The following EVC variants were observed in gnomAD, a reference collection of about 807,000 sequenced individuals.
EVC encodes EvC ciliary complex subunit 1, also known as evC complex member EVC.
A neutral mutation model predicts 118.9 loss-of-function variants in EVC; 116 were observed. The ratio of observed to expected loss-of-function variants is 0.98; its 90% CI spans 0.84 to 1.14. The LOEUF (loss-of-function observed/expected upper bound fraction) is 1.14, where lower values mean the gene tolerates loss of function less well. Among genes scored for constraint, EVC ranks in the 50% most tolerant of loss-of-function variants. EVC has a pLI of 0.00. For synonymous variants in EVC, 619 were observed against 534.7 expected (o/e 1.16, Z -2.18); for missense variants, 1,401 against 1,246.4 (o/e 1.12, Z -1.87).
chr4:5,762,524 TAA>T (rs1160788444), intron 11 of EVC, among the ~76,000 whole-genome samples: 10 of 140,648 alleles, frequency 7.1e-5, no homozygotes, highest in South Asian at 2.5e-4. Flanking sequence ...ACCAACAGTG[TAA>T]AAGTGTTCCT....
chr4:5,807,259 G>A (rs1716064606), intron 17 of EVC, among the ~76,000 whole-genome samples: 1 of 152,224 alleles, frequency 6.6e-6, no homozygotes, highest in African/African-American at 2.4e-5. Flanking sequence ...TGGAGGGAGG[G>A]AGGAATGGAG....
At position 5,808,225 on chromosome 4, in the gene EVC, C is replaced by A. The variant is rs1327449417; in HGVS notation, c.2586C>A (p.Phe862Leu). 2 of 1,586,250 alleles carry A rather than the reference C, an allele frequency of 1.3e-6. No homozygotes were observed. Among genetic ancestry groups the A allele is most frequent in the Non-Finnish European group, 1.7e-6 (2 of 1,164,716 alleles). Residue 862 changes from phenylalanine (F) to leucine (L), a missense_variant, in exon 18 of 21, where the codon TTC becomes TTA. Phe to Leu is a conservative substitution (Grantham distance 22, BLOSUM62 0). Transcript: ENST00000264956. ...HQRMLSQQKR[F>L]LAQFPVHQQM... The stretch of plus-strand genomic sequence containing the variant: ...GGATGCTGTCCCAGCAGAAGAGGTT[C>A]CTGGCCCAGTTCCCAGTGCACCAGC...
chr4:5,808,141 C>CCCTCCCTCCCTCTCTCCCTT (rs1716252981), intron 17 of EVC, 60 bp from the exon 18 acceptor site: 1 of 329,750 alleles, frequency 3.0e-6, no homozygotes, highest in African/African-American at 3.0e-5. Flanking sequence ...CTCCCTCCCT[C>CCCTCCCTCCCTCTCTCCCTT]CCTCCCTCCC....
the EVC span, chr4:5,825,435 G>A: frequency 8.7e-6 from 13 of 1,502,426 alleles, no homozygotes; most frequent in Admixed American, 7.6e-5. This position sits in a 1 kb window ranked among gnomAD's most constrained non-coding sequence, Gnocchi z 4.4. Context: ...GAAGCAGCAG[G>A]AAGGACTCGG....
At chr4:5,751,324 G>A (rs1034935468) in intron 8 of EVC, among the ~76,000 whole-genome samples, 1 of 152,020 alleles carries the variant, frequency 6.6e-6, no homozygotes, top group African/African-American at 2.4e-5. Flanking sequence ...CTCTTCTCAC[G>A]CCACTCTCTC....
At chr4:5,718,870 A>G (rs984122745) in intron 1 of EVC, among the ~76,000 whole-genome samples, 3 of 152,240 alleles carry the variant, frequency 2.0e-5, no homozygotes, top group Non-Finnish European at 4.4e-5. Flanking sequence ...AATTATATGC[A>G]TGTGCCATTT....
At position 5,711,328 on chromosome 4, in the gene EVC, G is replaced by T. The variant is rs1351368485; in HGVS notation, c.-53G>T. The T allele has an allele frequency of 3.0e-6, 3 of 1,000,490 alleles. No homozygotes were observed. The highest frequency in any genetic ancestry group is 4.6e-5 in the South Asian group (1 of 21,734). 62.0% of individuals were successfully genotyped at this position (1,000,490 alleles called of 1,614,324 possible). On this transcript the variant is annotated 5_prime_UTR_variant, in exon 1 of 21. Coordinates refer to ENST00000264956, the MANE Select transcript of EVC (RefSeq NM_153717.3). ...AAGTCCCGCGTCGCCGCCCTGGCGG[G>T]GACGGTGCAGCAGGCGGCGGGATGC... is the stretch of plus-strand genomic sequence containing the variant.
At chr4:5,782,466 T>C (rs1270874556) in intron 11 of EVC, among the ~76,000 whole-genome samples, 11 of 105,292 alleles carry the variant, frequency 1.0e-4, no homozygotes, top group Non-Finnish European at 1.7e-4. Context: ...CAATCTCGGC[T>C]CACAGCAAGC....
At chr4:5,765,030 G>T (rs1451919423) in intron 11 of EVC, among the ~76,000 whole-genome samples, 1 of 118,280 alleles carries the variant, frequency 8.5e-6, no homozygotes, top group African/African-American at 3.3e-5. Flanking sequence ...GCTTCCTCTT[G>T]TGGGCATTTA....
Position 5,808,343 on chromosome 4 carries a change from C to T in EVC, c.2688+16C>T. 1.2e-6 allele frequency: 2 copies of T among 1,614,208 alleles called. No homozygotes were observed. Among genetic ancestry groups the T allele is most frequent in the Non-Finnish European group, 1.7e-6 (2 of 1,180,036 alleles). On this transcript the variant is annotated intron_variant, in intron 18 of 20. Coordinates refer to ENST00000264956, the MANE Select transcript of EVC (RefSeq NM_153717.3). ...CCAGCTACAGGTACAAGTTACAGAA[C>T]TGGACCTTCCAAAAGCAGTGGTTTA... is the stretch of plus-strand genomic sequence containing the variant.
intron 1 of EVC, among the ~76,000 whole-genome samples, chr4:5,711,949 T>C (rs1480016128): frequency 2.0e-5 from 3 of 152,150 alleles, no homozygotes; most frequent in African/African-American, 7.2e-5. Context: ...ATCCTTGCGG[T>C]GTGGGTTACG....
At chr4:5,808,426 C>A (rs931398195) in intron 18 of EVC, 99 bp downstream of exon 18, 1 of 1,559,318 alleles carries the variant, frequency 6.4e-7, no homozygotes, top group Non-Finnish European at 8.8e-7. Flanking sequence ...ATGGGGACTG[C>A]ACTTCCCTGC....
At chr4:5,800,551 G>C (rs1453329274) in intron 15 of EVC, among the ~76,000 whole-genome samples, 1 of 152,128 alleles carries the variant, frequency 6.6e-6, no homozygotes, top group African/African-American at 2.4e-5. Context: ...GGGAGGAGAG[G>C]TGGGTGCAGA....
chr4:5,752,940 C>T lies in EVC; in HGVS notation c.1203C>T (p.Ser401=), dbSNP rs867155796. 3 of 1,614,138 alleles carry T rather than the reference C, an allele frequency of 1.9e-6. No homozygotes were observed. In the Middle Eastern group the frequency reaches 4.9e-4, roughly 266 times the overall value. ...CCAGGTGCCGGCTGGCTGCCATCTC[C>T]CACGGCCTGGAGCTGCTGGCTGGTG... The part of the protein sequence containing the change: ...EETRCRLAAI[S]HGLELLAGEG... Residue 401 remains serine (S), a synonymous_variant, in exon 9 of 21, where the codon TCC becomes TCT. Coordinates refer to ENST00000264956, the MANE Select transcript of EVC (RefSeq NM_153717.3).
In EVC at chr4:5,756,393, A is replaced by C; in HGVS notation, c.1563+31A>C. The C allele has an allele frequency of 6.4e-7, 1 of 1,559,610 alleles. No individual in the cohort carries two copies. The highest frequency in any genetic ancestry group is 2.3e-5 in the East Asian group (1 of 43,930). Reference sequence around the variant, plus strand: ...TGGCCTCTGTGGGGACCAGCAGAGAAGCCCCAGGGTCTGTGTGTGTGCGAG... The same window carrying C: ...TGGCCTCTGTGGGGACCAGCAGAGACGCCCCAGGGTCTGTGTGTGTGCGAG... On this transcript the variant is annotated intron_variant, in intron 11 of 20. Transcript: ENST00000264956. The surrounding 1 kb of genome is among the most constrained non-coding windows in gnomAD (Gnocchi z 4.2).
intron 12 of EVC, among the ~76,000 whole-genome samples, chr4:5,792,139 A>G (rs1712908836): frequency 6.6e-6 from 1 of 152,214 alleles, no homozygotes; most frequent in South Asian, 2.1e-4. Flanking sequence ...ACATTTCATA[A>G]TATCTAGAAA....
rs16837692 is a variant in EVC, at chr4:5,811,247, C to A, written c.*210C>A. The A allele has an allele frequency of 0.12, 66,398 of 547,594 alleles. 4,501 individuals are homozygous for A. The highest frequency in any genetic ancestry group is 0.14 in the Non-Finnish European group (42,863 of 303,898). The allele number at this position is 547,594 out of a possible 1,614,324, so 33.9% of individuals were successfully genotyped here. ...ATTAGGCATTCCCGTCTTGGAAACA[C>A]GTCTCTGTGAGTTTGCATTTCATTT... On this transcript the variant is annotated 3_prime_UTR_variant, in exon 21 of 21. Transcript: ENST00000264956.
intron 12 of EVC, among the ~76,000 whole-genome samples, chr4:5,784,979 C>T (rs539971061): frequency 4.6e-5 from 7 of 152,198 alleles, no homozygotes; most frequent in Admixed American, 3.3e-4. Flanking sequence ...CAACATCCAC[C>T]AAGACAGCCC....
downstream of EVC, among the ~76,000 whole-genome samples, chr4:5,819,062 C>T (rs1264116774): frequency 1.3e-5 from 2 of 152,164 alleles, no homozygotes; most frequent in Non-Finnish European, 2.9e-5. Flanking sequence ...ATAGTCTTTG[C>T]AATAAATGGT....
Sources: allele counts gnomAD v4.1 joint callset (sites outside exome capture counted in the v4.1 genomes callset), GRCh38; gene constraint gnomAD v4.1.1; non-coding constraint Gnocchi (gnomAD v3.1); transcripts MANE v1.5; gene names NCBI Gene and HGNC (gene_info 2026-07-23, HGNC 2026-07-21).